The following MYO6 variants were observed in gnomAD, a reference collection of about 807,000 sequenced individuals.
MYO6 encodes the protein unconventional myosin-VI.
A neutral mutation model predicts 178.7 loss-of-function variants in MYO6; 74 were observed. The observed-to-expected ratio is 0.41, with a 90% CI of 0.34 to 0.50. The LOEUF (loss-of-function observed/expected upper bound fraction) is 0.50, where lower values mean the gene tolerates loss of function less well. Ranked by LOEUF, MYO6 falls within the 20% of genes least tolerant of loss-of-function variation. The pLI is 0.09. For missense variants in MYO6, 1,330 were observed against 1,547.4 expected (o/e 0.86, Z 2.36); for synonymous variants, 477 against 504.6 (o/e 0.95, Z 0.73).
At chr6:75,907,058 G>A (rs1780383047) in intron 30 of MYO6, among the ~76,000 whole-genome samples, 1 of 152,172 alleles carries the variant, frequency 6.6e-6, no homozygotes, top group Non-Finnish European at 1.5e-5. Flanking sequence ...GTGGGTTGCA[G>A]GTTTGGCTAC....
chr6:75,765,366 G>A (rs2150001426), intron 1 of MYO6, among the ~76,000 whole-genome samples: 1 of 151,522 alleles, frequency 6.6e-6, no homozygotes, highest in East Asian at 2.0e-4. Context: ...TAGTAGAGAT[G>A]GGGTTTCACC....
At chr6:75,904,351 A>G (rs1314383376) in intron 30 of MYO6, among the ~76,000 whole-genome samples, 2 of 151,614 alleles carry the variant, frequency 1.3e-5, no homozygotes, top group Admixed American at 6.6e-5. Flanking sequence ...TCTCCCCGTC[A>G]CTTTCAGGTA....
chr6:75,848,201 T>G, intron 10 of MYO6, 150 bp from the exon 11 acceptor site: 1 of 710,400 alleles, frequency 1.4e-6, no homozygotes, highest in Non-Finnish European at 2.5e-6. Flanking sequence ...TCATGGTCAT[T>G]TAGTTTTTGA....
In MYO6 at chr6:75,829,008, G is replaced by A. The variant is rs139810769; in HGVS notation, c.261+395G>A. Among the ~76,000 whole-genome samples the A allele has an allele frequency of 2.0e-3, 302 of 152,124 alleles. 1 individual carries two copies. The highest frequency in any genetic ancestry group is 6.9e-3 in the African/African-American group (287 of 41,514). ...CCACATTGTTTGGAAGACAATGTAA[G>A]GCAGCCTATAAGGAATGTATATTGA... On this transcript the variant is annotated intron_variant, in intron 4 of 34. Coordinates refer to ENST00000369977, the MANE Select transcript of MYO6 (RefSeq NM_004999.4).
In MYO6 at chr6:75,915,224, T is replaced by TC; in HGVS notation, c.*215dup. 1.7e-6 allele frequency: 1 copy of TC among 586,500 alleles called. No individual in the cohort carries two copies. Among genetic ancestry groups the TC allele is most frequent in the Non-Finnish European group, 3.0e-6 (1 of 329,896 alleles). 36.3% of individuals were successfully genotyped at this position (586,500 alleles called of 1,614,324 possible). On this transcript the variant is annotated 3_prime_UTR_variant, in exon 35 of 35. Transcript: ENST00000369977. ...TTATTTTTCTGTATCCCGCTGTAAT[T>TC]CCCAAAACTCTCATTATTCTCTAAC... is the stretch of plus-strand genomic sequence containing the variant.
At chr6:75,840,719 G>T (rs886996806) in intron 8 of MYO6, 37 bp downstream of exon 8, 1 of 1,502,848 alleles carries the variant, frequency 6.7e-7, no homozygotes, top group Non-Finnish European at 9.2e-7. Flanking sequence ...TATTTTTGGG[G>T]AGTGTTTGTG....
intron 12 of MYO6, among the ~76,000 whole-genome samples, chr6:75,855,811 T>C (rs1775678916): frequency 3.9e-5 from 6 of 152,172 alleles, no homozygotes; most frequent in Admixed American, 3.9e-4. Flanking sequence ...CTATATTTTA[T>C]ATATTTTTGG....
chr6:75,873,749 A>G (rs1777341351), intron 20 of MYO6, among the ~76,000 whole-genome samples: 1 of 152,158 alleles, frequency 6.6e-6, no homozygotes, highest in Non-Finnish European at 1.5e-5. Context: ...CTCATTCCAC[A>G]CATGATGGTC....
intron 1 of MYO6, among the ~76,000 whole-genome samples, chr6:75,811,177 A>C (rs1173906229): frequency 6.6e-6 from 1 of 152,064 alleles, no homozygotes; most frequent in Non-Finnish European, 1.5e-5. Context: ...GGTGTGAGGA[A>C]ATCTCTCTCA....
chr6:75,858,881 GT>G lies in MYO6; in HGVS notation c.1382-19del. On this transcript the variant is annotated intron_variant, in intron 13 of 34. Coordinates refer to ENST00000369977, the MANE Select transcript of MYO6 (RefSeq NM_004999.4). ...GAAGTTGATCTCATAATGACTCTTG[GT>G]TCTGGTTTTATATTTTCAGAGTACT... 6.9e-7 allele frequency: 1 copy of G among 1,449,120 alleles called. No individual in the cohort carries two copies. The highest frequency in any genetic ancestry group is 9.7e-7 in the Non-Finnish European group (1 of 1,034,264). The allele number at this position is 1,449,120 out of a possible 1,614,324, so 89.8% of individuals were successfully genotyped here. A position where few individuals can be genotyped will look rare whatever the true frequency, so the allele number is the denominator to read the frequency against.
chr6:75,767,772 C>CT (rs1675303420), intron 1 of MYO6, among the ~76,000 whole-genome samples: 1 of 152,040 alleles, frequency 6.6e-6, no homozygotes, highest in African/African-American at 2.4e-5. Flanking sequence ...TTGCCTTGGC[C>CT]TCCCAAAGTG....
chr6:75,761,592 AACAC>A (rs3057486), intron 1 of MYO6, among the ~76,000 whole-genome samples: 3,661 of 142,970 alleles, frequency 0.026, 100 homozygotes, highest in African/African-American at 0.073. Context: ...GGGCTGTTAG[AACAC>A]ACACACACAC....
At chr6:75,896,645 G>A (rs1779334594) in intron 29 of MYO6, among the ~76,000 whole-genome samples, 1 of 152,168 alleles carries the variant, frequency 6.6e-6, no homozygotes, top group Admixed American at 6.5e-5. Flanking sequence ...ACCTCTGTAT[G>A]TCTCACAGAC....
chr6:75,770,463 A>C (rs1445233341), intron 1 of MYO6, among the ~76,000 whole-genome samples: 1 of 152,036 alleles, frequency 6.6e-6, no homozygotes, highest in Non-Finnish European at 1.5e-5. Flanking sequence ...AAACTTCTAA[A>C]CTAACCTCCT....
chr6:75,784,905 T>C (rs994000468), intron 1 of MYO6, among the ~76,000 whole-genome samples: 2 of 152,120 alleles, frequency 1.3e-5, no homozygotes, highest in Non-Finnish European at 2.9e-5. Context: ...GTGGTTTAAT[T>C]TGTTAATCCT....
At chr6:75,886,309 T>G (rs3798432) in intron 24 of MYO6, among the ~76,000 whole-genome samples, 1 of 152,196 alleles carries the variant, frequency 6.6e-6, no homozygotes, top group East Asian at 1.9e-4. Flanking sequence ...GGATTTGAAG[T>G]GGCATACAAA....
intron 2 of MYO6, among the ~76,000 whole-genome samples, chr6:75,819,321 C>A (rs1260872520): frequency 9.8e-5 from 15 of 152,286 alleles, no homozygotes. Context: ...AAACATACTG[C>A]TGTAATAACC....
At chr6:75,791,003 G>A (rs893779095) in intron 1 of MYO6, among the ~76,000 whole-genome samples, 3 of 151,892 alleles carry the variant, frequency 2.0e-5, no homozygotes, top group Admixed American at 6.6e-5. Flanking sequence ...GGTCAATGTC[G>A]GCTCACTGCA....
chr6:75,889,729 C>T (rs1370820508), intron 25 of MYO6, among the ~76,000 whole-genome samples: 1 of 152,098 alleles, frequency 6.6e-6, no homozygotes, highest in African/African-American at 2.4e-5. Context: ...TAATTTTTAA[C>T]TGCAGTATAT....
Sources: gnomAD v4.1 joint callset for allele counts (sites outside exome capture counted in the v4.1 genomes callset) on GRCh38, gnomAD v4.1.1 for gene constraint, MANE v1.5 for transcripts, NCBI Gene and HGNC (gene_info 2026-07-23, HGNC 2026-07-21) for gene names.